Variants in STPG2 observed in about 807,000 individuals in gnomAD.
STPG2 encodes sperm-tail PG-rich repeat-containing protein 2.
In STPG2, 56 loss-of-function variants were observed where a neutral mutation model predicts 54.2. The observed-to-expected ratio is 1.03, with a 90% CI of 0.83 to 1.29. The LOEUF (loss-of-function observed/expected upper bound fraction) is 1.29, where lower values mean the gene tolerates loss of function less well. Among genes scored for constraint, STPG2 ranks in the 50% most tolerant of loss-of-function variants. The pLI is 0.00. For missense variants in STPG2, 596 were observed against 544.9 expected (o/e 1.09, Z -0.93); for synonymous variants, 200 against 181.8 (o/e 1.10, Z -0.81).
At chr4:97,910,129 T>C (rs2149198679) in intron 8 of STPG2, among the ~76,000 whole-genome samples, 2 of 152,262 alleles carry the variant, frequency 1.3e-5, no homozygotes, top group African/African-American at 4.8e-5. Flanking sequence ...GTAGAGATTG[T>C]TATGCAGAGT....
intron 5 of STPG2, among the ~76,000 whole-genome samples, chr4:98,072,603 TAAAATAAAATAAAAC>T (rs1444969372): frequency 8.4e-4 from 81 of 96,914 alleles, no homozygotes; most frequent in Admixed American, 3.2e-3. Flanking sequence ...TAAAATAAAA[TAAAATAAAATAAAAC>T]AAAACAAGAG....
intron 10 of STPG2, among the ~76,000 whole-genome samples, chr4:97,606,805 T>G (rs1733606892): frequency 1.3e-5 from 2 of 152,004 alleles, no homozygotes; most frequent in African/African-American, 4.8e-5. Context: ...ACCATCTTTC[T>G]TGTTATGTAA....
intron 5 of STPG2, among the ~76,000 whole-genome samples, chr4:98,043,482 A>C (rs1261159310): frequency 1.3e-5 from 2 of 151,772 alleles, no homozygotes; most frequent in African/African-American, 4.8e-5. Flanking sequence ...TGTAACTTTT[A>C]TAAGTATTTT....
At chr4:97,981,980 G>GATCACACCA (rs1734696353) in intron 5 of STPG2, among the ~76,000 whole-genome samples, 1 of 151,336 alleles carries the variant, frequency 6.6e-6, no homozygotes, top group African/African-American at 2.4e-5. Flanking sequence ...CACCTCCCGG[G>GATCACACCA]TTCACACCAT....
chr4:97,783,157 G>A (rs190055882), intron 9 of STPG2, among the ~76,000 whole-genome samples: 3,077 of 152,156 alleles, frequency 0.02, 99 homozygotes, highest in African/African-American at 0.07. Context: ...TACAGAATGG[G>A]AGAAAATTTT....
chr4:98,131,897 C>T (rs1740007463), intron 2 of STPG2, among the ~76,000 whole-genome samples: 1 of 152,056 alleles, frequency 6.6e-6, no homozygotes, highest in African/African-American at 2.4e-5. Context: ...CCCACCTCCT[C>T]TATAAATCTT....
chr4:97,601,406 T>A (rs1179360222), intron 10 of STPG2, among the ~76,000 whole-genome samples: 1 of 152,100 alleles, frequency 6.6e-6, no homozygotes, highest in African/African-American at 2.4e-5. Flanking sequence ...TCAAAGTTTT[T>A]AAATTGTGCT....
chr4:97,787,404 T>C (rs192344562), intron 9 of STPG2, among the ~76,000 whole-genome samples: 78 of 152,242 alleles, frequency 5.1e-4, no homozygotes, highest in African/African-American at 1.8e-3. Flanking sequence ...TATTTTCTTT[T>C]ACTCCATTAG....
intron 4 of STPG2, among the ~76,000 whole-genome samples, chr4:97,550,866 G>C (rs1448367516): frequency 6.6e-6 from 1 of 152,096 alleles, no homozygotes; most frequent in African/African-American, 2.4e-5. Flanking sequence ...CCTCCCGGTG[G>C]GTTTGTGGTC....
intron 7 of STPG2, among the ~76,000 whole-genome samples, chr4:97,951,313 T>C (rs963544493): frequency 1.3e-5 from 2 of 152,160 alleles, no homozygotes; most frequent in Non-Finnish European, 2.9e-5. Context: ...TCTTGATAAA[T>C]TGGCTCTCTC....
chr4:97,680,762 C>T (rs866479873), intron 10 of STPG2, among the ~76,000 whole-genome samples: 2 of 151,484 alleles, frequency 1.3e-5, no homozygotes, highest in Middle Eastern at 3.4e-3. Context: ...AGGTGGACCC[C>T]CTTTGTCTGT....
intron 10 of STPG2, among the ~76,000 whole-genome samples, chr4:97,687,465 G>A (rs1560719338): frequency 1.3e-5 from 2 of 151,972 alleles, no homozygotes; most frequent in South Asian, 4.1e-4. Context: ...TCAGCTTCCA[G>A]AATAGCTGGG....
At chr4:97,938,390 G>A (rs1186502381) in intron 8 of STPG2, among the ~76,000 whole-genome samples, 1 of 151,950 alleles carries the variant, frequency 6.6e-6, no homozygotes, top group Non-Finnish European at 1.5e-5. Context: ...GGCAGCTGCA[G>A]TGATAATGGC....
rs191068188 is a variant in STPG2 at position 97,485,071 on chromosome 4, C to G, written c.462+227628G>C. On this transcript the variant is annotated intron_variant, in intron 4 of 4. Transcript: ENST00000522676. The stretch of plus-strand genomic sequence containing the variant: ...GGGACATACCTCAATTTAATAAAAA[C>G]CATCTCTTACAAAGCCACAGCCAAC... Among the ~76,000 whole-genome samples the G allele has an allele frequency of 4.2e-3, 636 of 151,836 alleles. 3 individuals carry two copies. Among genetic ancestry groups the G allele is most frequent in the South Asian group, 0.02 (98 of 4,818 alleles).
intron 9 of STPG2, among the ~76,000 whole-genome samples, chr4:97,813,625 T>G (rs887918837): frequency 2.7e-4 from 36 of 132,786 alleles, no homozygotes; most frequent in Non-Finnish European, 4.6e-5. Context: ...GAGAATTGCT[T>G]GAGCCCAGGA....
At chr4:97,859,458 TTTC>T (rs1729441390) in intron 8 of STPG2, among the ~76,000 whole-genome samples, 2 of 141,348 alleles carry the variant, frequency 1.4e-5, no homozygotes, top group East Asian at 4.4e-4. Context: ...TTTTCTTTCT[TTTC>T]TTTTCTTTTT....
intron 10 of STPG2, among the ~76,000 whole-genome samples, chr4:97,580,631 T>G (rs1021684716): frequency 1.3e-5 from 2 of 151,790 alleles, no homozygotes; most frequent in Non-Finnish European, 2.9e-5. Context: ...TAATTACTAA[T>G]CAAGAAAACT....
intron 10 of STPG2, among the ~76,000 whole-genome samples, chr4:97,563,449 T>C (rs919131624): frequency 2.8e-4 from 43 of 152,298 alleles, no homozygotes; most frequent in Middle Eastern, 3.4e-3. Flanking sequence ...TCAGTTCTGC[T>C]CTGATTTTAG....
intron 7 of STPG2, among the ~76,000 whole-genome samples, chr4:97,956,586 C>T (rs898143690): frequency 6.6e-6 from 1 of 152,088 alleles, no homozygotes; most frequent in African/African-American, 2.4e-5. Flanking sequence ...GGAGACACCC[C>T]AAATATTGTG....
Sources: allele counts gnomAD v4.1 joint callset (sites outside exome capture counted in the v4.1 genomes callset), GRCh38; gene constraint gnomAD v4.1.1; transcripts MANE v1.5; gene names NCBI Gene and HGNC (gene_info 2026-07-23, HGNC 2026-07-21).